USP3: variants seen among roughly 807,000 people sequenced by gnomAD.
USP3 encodes the protein ubiquitin carboxyl-terminal hydrolase 3.
A neutral mutation model predicts 72.3 loss-of-function variants in USP3; 20 were observed. The observed-to-expected ratio is 0.28, with a 90% CI of 0.19 to 0.40. The LOEUF (loss-of-function observed/expected upper bound fraction) is 0.40. USP3 is among the 10% of genes least tolerant of loss of function. The probability of loss-of-function intolerance (pLI) is 1.00; values close to 1 mark genes in which losing one functional copy is unlikely to be tolerated. For synonymous variants in USP3, 222 were observed against 225.3 expected, an observed-to-expected ratio of 0.99 and a Z score of 0.13; for missense variants, 479 against 633.9, an observed-to-expected ratio of 0.76 and a Z score of 2.62.
chr15:63,527,589 T>G (rs2066002970), intron 1 of USP3, among the ~76,000 whole-genome samples: 1 of 152,248 alleles, frequency 6.6e-6, no homozygotes, highest in Non-Finnish European at 1.5e-5. Context: ...AGATTCTCTG[T>G]ATGCATACTA....
intron 3 of USP3, among the ~76,000 whole-genome samples, chr15:63,539,708 T>G (rs2066215139): frequency 6.6e-6 from 1 of 152,216 alleles, no homozygotes; most frequent in African/African-American, 2.4e-5. Context: ...GGCTTTTGTG[T>G]GAAGTTGTAC....
At chr15:63,537,905 G>A (rs545417122) in intron 3 of USP3, among the ~76,000 whole-genome samples, 123 of 151,766 alleles carry the variant, frequency 8.1e-4, no homozygotes, top group Non-Finnish European at 1.7e-3. Flanking sequence ...GGTTGGTCTC[G>A]TACTCCTGAC....
Position 63,544,211 on chromosome 15 carries a change from A to G in USP3, c.284+7055A>G, listed in dbSNP as rs2066287233. On this transcript the variant is annotated intron_variant, in intron 3 of 14. Transcript: ENST00000380324. The surrounding 1 kb of genome is among the most constrained non-coding windows in gnomAD (Gnocchi z 4.2). ...ATATATAATTTATTAATACAAATAT[A>G]TACATATATATATAGAATATATATA... 1 of 148,676 alleles carries G rather than the reference A, an allele frequency of 6.7e-6. No individual in the cohort carries two copies. Among genetic ancestry groups the G allele is most frequent in the Admixed American group, 6.7e-5 (1 of 14,862 alleles). The allele number at this position is 148,676 out of a possible 1,614,324, so 9.2% of individuals were successfully genotyped here. A position where few individuals can be genotyped will look rare whatever the true frequency, so the allele number is the denominator to read the frequency against.
intron 2 of USP3, among the ~76,000 whole-genome samples, chr15:63,535,211 G>T (rs1287646067): frequency 6.6e-6 from 1 of 152,162 alleles, no homozygotes; most frequent in Non-Finnish European, 1.5e-5. Context: ...GATTACAGGC[G>T]TGAGCCACTG....
intron 11 of USP3, among the ~76,000 whole-genome samples, chr15:63,580,651 TGA>T (rs59989737): frequency 0.69 from 84,592 of 122,322 alleles, 30,858 homozygotes; most frequent in Non-Finnish European, 0.76. Context: ...CATATATATA[TGA>T]ATATATAATA....
Position 63,556,742 on chromosome 15 carries a change from A to C in USP3, c.444A>C (p.Lys148Asn). 6.4e-7 allele frequency: 1 copy of C among 1,563,234 alleles called. No homozygotes were observed. Among genetic ancestry groups the C allele is most frequent in the Non-Finnish European group, 8.7e-7 (1 of 1,147,370 alleles). Reference protein sequence around the residue: ...ENSTLNSKLLKVNGSTTAICA... With the variant: ...ENSTLNSKLLNVNGSTTAICA... ...CAACACTAAACAGCAAGTTATTAAA[A>C]GTAAATGTAAGTAATTAAAATTTAT... Residue 148 changes from lysine to asparagine, a missense_variant, in exon 5 of 15, where the codon AAA becomes AAC. Physicochemically the swap from Lys to Asn is moderately conservative, Grantham distance 94. Transcript: ENST00000380324.
At chr15:63,552,404 T>C (rs2066450050) in intron 3 of USP3, among the ~76,000 whole-genome samples, 1 of 152,216 alleles carries the variant, frequency 6.6e-6, no homozygotes, top group African/African-American at 2.4e-5. Flanking sequence ...AATTTCTTTA[T>C]GTAGTTGTTA....
At position 63,588,636 on chromosome 15, in the gene USP3, G is replaced by A; in HGVS notation, c.1216-66G>A. On this transcript the variant is annotated intron_variant, in intron 12 of 14. Coordinates refer to ENST00000380324, the MANE Select transcript of USP3 (RefSeq NM_006537.4). This position sits in a 1 kb window ranked among gnomAD's most constrained non-coding sequence, Gnocchi z 4.6. The stretch of plus-strand genomic sequence containing the variant: ...AATGTTATTTACTGAACTGATAGTA[G>A]TATCAAACTTTGACTGAAAGGTAAA... 2 of 1,204,392 alleles carry A rather than the reference G, an allele frequency of 1.7e-6. No individual in the cohort carries two copies. Among genetic ancestry groups the A allele is most frequent in the African/African-American group, 1.5e-5 (1 of 66,484 alleles). The allele number at this position is 1,204,392 out of a possible 1,614,324, so 74.6% of individuals were successfully genotyped here. A position where few individuals can be genotyped will look rare whatever the true frequency, so the allele number is the denominator to read the frequency against.
intron 3 of USP3, among the ~76,000 whole-genome samples, chr15:63,545,069 T>TA (rs35763018): frequency 0.48 from 72,517 of 151,954 alleles, 18,259 homozygotes; most frequent in Non-Finnish European, 0.56. Context: ...AAGTTAGAAA[T>TA]AAATCAAAAT....
chr15:63,560,756 C>G (rs1056199157), intron 7 of USP3, among the ~76,000 whole-genome samples: 3 of 152,140 alleles, frequency 2.0e-5, no homozygotes, highest in African/African-American at 7.2e-5. Flanking sequence ...TGGTGTAGAC[C>G]TCCCTTATTT....
chr15:63,520,942 A>G (rs908069962), intron 1 of USP3, among the ~76,000 whole-genome samples: 3 of 152,116 alleles, frequency 2.0e-5, no homozygotes, highest in African/African-American at 4.8e-5. Context: ...CATGGTTCCA[A>G]AAGTTAAAAC....
At chr15:63,550,066 C>T (rs1022223932) in intron 3 of USP3, among the ~76,000 whole-genome samples, 1 of 152,218 alleles carries the variant, frequency 6.6e-6, no homozygotes. Context: ...CTGGAGTGCA[C>T]TGGAGTGCAG....
intron 11 of USP3, among the ~76,000 whole-genome samples, chr15:63,581,126 C>G (rs2066950905): frequency 6.6e-6 from 1 of 151,864 alleles, no homozygotes. Context: ...TCTTTACAGG[C>G]CATATAATTC....
chr15:63,506,782 C>T (rs1238686379), intron 1 of USP3, among the ~76,000 whole-genome samples: 1 of 152,220 alleles, frequency 6.6e-6, no homozygotes, highest in African/African-American at 2.4e-5. Context: ...CATCTTGCAA[C>T]AAAGTGTGTC....
At chr15:63,521,073 A>T (rs2065913992) in intron 1 of USP3, among the ~76,000 whole-genome samples, 1 of 151,132 alleles carries the variant, frequency 6.6e-6, no homozygotes, top group South Asian at 2.1e-4. Context: ...TTCTTTTTGT[A>T]AAGAAAAGCA....
rs2066019877 is a variant in USP3 at position 63,528,588 on chromosome 15, G to T, written c.92-4059G>T. Among the ~76,000 whole-genome samples the T allele has an allele frequency of 6.6e-6, 1 of 152,136 alleles. No individual in the cohort carries two copies. Among genetic ancestry groups the T allele is most frequent in the South Asian group, 2.1e-4 (1 of 4,832 alleles). On this transcript the variant is annotated intron_variant, in intron 1 of 14. Coordinates refer to ENST00000380324, the MANE Select transcript of USP3 (RefSeq NM_006537.4). The surrounding 1 kb of genome is among the most constrained non-coding windows in gnomAD (Gnocchi z 4.3). ...TTTTATTGTGTGGGTATCAGTATGT[G>T]TGTGTATATGAGTATTTCAGCTATA...
At chr15:63,547,751 AGG>A (rs2066356244) in intron 3 of USP3, among the ~76,000 whole-genome samples, 1 of 35,350 alleles carries the variant, frequency 2.8e-5, no homozygotes, top group Non-Finnish European at 6.0e-5. Context: ...AGAGGGAGGG[AGG>A]GAGGGAGGGA....
chr15:63,508,712 C>T (rs2065745531), intron 1 of USP3, among the ~76,000 whole-genome samples: 1 of 152,068 alleles, frequency 6.6e-6, no homozygotes, highest in Non-Finnish European at 1.5e-5. Flanking sequence ...TAAAAAGATG[C>T]CCTGAATGCA....
intron 3 of USP3, among the ~76,000 whole-genome samples, chr15:63,549,655 C>T (rs1198893957): frequency 2.6e-5 from 4 of 152,154 alleles, no homozygotes; most frequent in Non-Finnish European, 5.9e-5. Flanking sequence ...TCAATTTTAA[C>T]GTAAATTGTT....
Sources: allele counts gnomAD v4.1 joint callset (sites outside exome capture counted in the v4.1 genomes callset), GRCh38; gene constraint gnomAD v4.1.1; non-coding constraint Gnocchi (gnomAD v3.1); transcripts MANE v1.5; gene names NCBI Gene and HGNC (gene_info 2026-07-23, HGNC 2026-07-21).